CNTN4: variants seen among roughly 807,000 people sequenced by gnomAD.
The protein encoded by CNTN4 is contactin-4.
In CNTN4, 77 loss-of-function variants were observed where a neutral mutation model predicts 122.5. The ratio of observed to expected loss-of-function variants is 0.63; its 90% CI spans 0.52 to 0.76. The LOEUF is 0.76. Ranked by LOEUF, CNTN4 falls within the 30% of genes least tolerant of loss-of-function variation. The pLI is 0.00. For missense variants in CNTN4, 1,256 were observed against 1,259.1 expected (o/e 1.00, Z 0.04); for synonymous variants, 512 against 447.0 (o/e 1.15, Z -1.83).
intron 14 of CNTN4, among the ~76,000 whole-genome samples, chr3:3,007,701 A>T (rs571828591): frequency 1.3e-5 from 2 of 152,374 alleles, no homozygotes; most frequent in East Asian, 1.9e-4. Flanking sequence ...ATCCATCTCC[A>T]TCACACAAGA....
chr3:2,292,180 C>G (rs963934523), intron 2 of CNTN4, among the ~76,000 whole-genome samples: 2 of 152,146 alleles, frequency 1.3e-5, no homozygotes, highest in Non-Finnish European at 2.9e-5. Context: ...ACTTATCTGT[C>G]CCACACATTT....
intron 3 of CNTN4, among the ~76,000 whole-genome samples, chr3:2,505,421 A>C (rs961696404): frequency 1.3e-5 from 2 of 152,236 alleles, no homozygotes; most frequent in African/African-American, 4.8e-5. Context: ...TCAGATGATC[A>C]AGTTCAAATG....
At chr3:2,645,968 CA>C (rs1335262504) in intron 4 of CNTN4, among the ~76,000 whole-genome samples, 16 of 152,272 alleles carry the variant, frequency 1.1e-4, no homozygotes, top group Admixed American at 3.9e-4. Flanking sequence ...TTGTTTAACA[CA>C]GTGGGAATAT....
At position 2,613,893 on chromosome 3, in the gene CNTN4, C is replaced by G. The variant is rs530393898; in HGVS notation, c.55+42335C>G. ...CCACATTGAATAAACCTCACCAAAT[C>G]TATCCCTACATTCAGATACTCAGTC... On this transcript the variant is annotated intron_variant, in intron 4 of 24. Coordinates refer to ENST00000418658, the MANE Select transcript of CNTN4 (RefSeq NM_175607.3). Among the ~76,000 whole-genome samples, 13 of 152,038 alleles carry G rather than the reference C, an allele frequency of 8.6e-5. No homozygotes were observed. In the South Asian group the frequency reaches 1.5e-3, roughly 17 times the overall value.
At position 2,944,306 on chromosome 3, in the gene CNTN4, G is replaced by A. The variant is rs1031942171; in HGVS notation, c.1358+18527G>A. On this transcript the variant is annotated intron_variant, in intron 13 of 24. Coordinates refer to ENST00000418658, the MANE Select transcript of CNTN4 (RefSeq NM_175607.3). The stretch of plus-strand genomic sequence containing the variant: ...AAATTTTTTTTACCATTTCATTCTC[G>A]GAAGCACAATAGCACAGAGTTAAAA... Among the ~76,000 whole-genome samples the A allele has an allele frequency of 9.2e-5, 14 of 151,580 alleles. No individual in the cohort carries two copies. The East Asian group carries it at 1.9e-3, about 21-fold the overall frequency.
chr3:2,714,709 G>T (rs1472652758), intron 4 of CNTN4, among the ~76,000 whole-genome samples: 2 of 152,232 alleles, frequency 1.3e-5, no homozygotes, highest in African/African-American at 2.4e-5. Context: ...GTTGGGAGTG[G>T]TATAGGAAAA....
At chr3:2,345,548 C>T (rs190455327) in intron 3 of CNTN4, among the ~76,000 whole-genome samples, 1 of 152,264 alleles carries the variant, frequency 6.6e-6, no homozygotes, top group East Asian at 1.9e-4. Context: ...GTCATTTGTT[C>T]TCCCAACAAC....
chr3:2,741,388 A>T (rs1357445478), intron 5 of CNTN4, among the ~76,000 whole-genome samples: 1 of 152,220 alleles, frequency 6.6e-6, no homozygotes, highest in African/African-American at 2.4e-5. Context: ...CATCACATGG[A>T]TAAGGAAAAG....
intron 3 of CNTN4, among the ~76,000 whole-genome samples, chr3:2,567,465 T>G (rs1211682808): frequency 6.6e-6 from 1 of 152,140 alleles, no homozygotes; most frequent in East Asian, 1.9e-4. Flanking sequence ...TCTTTCCCCC[T>G]CAGCCTATAA....
At chr3:2,837,444 C>T (rs188489849) in intron 7 of CNTN4, among the ~76,000 whole-genome samples, 3 of 152,300 alleles carry the variant, frequency 2.0e-5, no homozygotes, top group Non-Finnish European at 2.9e-5. Context: ...CTGCCTGGAG[C>T]TGTTCTGAAT....
intron 7 of CNTN4, among the ~76,000 whole-genome samples, chr3:2,845,182 T>A (rs566921034): frequency 6.6e-6 from 1 of 152,316 alleles, no homozygotes; most frequent in African/African-American, 2.4e-5. Flanking sequence ...TATACAAGTT[T>A]ATTTTTAAAT....
At chr3:3,045,379 C>A (rs373614235) in intron 23 of CNTN4, among the ~76,000 whole-genome samples, 1 of 152,218 alleles carries the variant, frequency 6.6e-6, no homozygotes, top group Admixed American at 6.5e-5. Flanking sequence ...AGGTACCCCC[C>A]AGTAGGGGCA....
chr3:2,119,657 T>G (rs1394095143), intron 2 of CNTN4, among the ~76,000 whole-genome samples: 3 of 152,154 alleles, frequency 2.0e-5, no homozygotes, highest in Admixed American at 1.3e-4. Context: ...TGTCTTCCAG[T>G]CCAAGTAGGA....
At chr3:2,294,740 C>G (rs11925117) in intron 2 of CNTN4, among the ~76,000 whole-genome samples, 1 of 151,858 alleles carries the variant, frequency 6.6e-6, no homozygotes, top group Non-Finnish European at 1.5e-5. Context: ...GGTTTGTTAC[C>G]TATGTATACA....
intron 2 of CNTN4, among the ~76,000 whole-genome samples, chr3:2,228,716 T>C (rs1230702452): frequency 6.6e-6 from 1 of 152,180 alleles, no homozygotes; most frequent in Non-Finnish European, 1.5e-5. Context: ...GGAATATTTA[T>C]AGCAACTTGT....
rs902428432 is a variant in CNTN4, at chr3:2,432,387, A to G, written c.-89+93154A>G. ...AAGAAACAGACAAAAATTAATAGTC[A>G]CAAAAAGTGATTAATGTTATGAATT... is the stretch of plus-strand genomic sequence containing the variant. On this transcript the variant is annotated intron_variant, in intron 3 of 24. Transcript: ENST00000418658. Among the ~76,000 whole-genome samples the G allele has an allele frequency of 2.0e-5, 3 of 152,226 alleles. No homozygotes were observed. In the East Asian group the frequency reaches 5.8e-4, roughly 29 times the overall value.
intron 7 of CNTN4, among the ~76,000 whole-genome samples, chr3:2,859,041 G>C (rs1253827397): frequency 6.6e-6 from 1 of 152,028 alleles, no homozygotes; most frequent in African/African-American, 2.4e-5. Flanking sequence ...TTTATTCTTT[G>C]ACCAACATTC....
rs79791829 is a variant in CNTN4 at position 2,202,088 on chromosome 3, G to A, written c.-145+101449G>A. Among the ~76,000 whole-genome samples the A allele has an allele frequency of 2.6e-5, 4 of 152,126 alleles. No individual in the cohort carries two copies. In the East Asian group the frequency reaches 7.7e-4, roughly 29 times the overall value. ...CTTGTTAGAAGGAGACTTTCCTACAGGCATTTTTATTTTGCTTTTTGAAGG... is the reference window on the plus strand; with the variant it reads ...CTTGTTAGAAGGAGACTTTCCTACAAGCATTTTTATTTTGCTTTTTGAAGG... On this transcript the variant is annotated intron_variant, in intron 2 of 24. Coordinates refer to ENST00000418658, the MANE Select transcript of CNTN4 (RefSeq NM_175607.3).
At chr3:3,004,473 G>A (rs749887945) in intron 14 of CNTN4, among the ~76,000 whole-genome samples, 22 of 152,308 alleles carry the variant, frequency 1.4e-4, no homozygotes, top group Admixed American at 3.3e-4. Flanking sequence ...TTACTGGACA[G>A]AGAAGGTCTC....
Sources: allele counts gnomAD v4.1 joint callset (sites outside exome capture counted in the v4.1 genomes callset), GRCh38; gene constraint gnomAD v4.1.1; transcripts MANE v1.5; gene names NCBI Gene and HGNC (gene_info 2026-07-23, HGNC 2026-07-21).